The following PTBP3 variants were observed in gnomAD, a reference collection of about 807,000 sequenced individuals.
The protein encoded by PTBP3 is polypyrimidine tract-binding protein 3.
A neutral mutation model predicts 58.7 loss-of-function variants in PTBP3; 20 were observed. The observed-to-expected ratio is 0.34, with a 90% CI of 0.24 to 0.50. PTBP3 has a LOEUF of 0.50. Ranked by LOEUF, PTBP3 falls within the 20% of genes least tolerant of loss-of-function variation. PTBP3 has a pLI of 0.98. For synonymous variants in PTBP3, 185 were observed against 219.8 expected, an observed-to-expected ratio of 0.84 and a Z score of 1.40; for missense variants, 509 against 637.2, an observed-to-expected ratio of 0.80 and a Z score of 2.17.
In PTBP3 at chr9:112,223,792, A is replaced by G; in HGVS notation, c.*59T>C. ...AATTGGTCTTGAGCTGCTTCAGTCT[A>G]TGTCTGAAGGTTTTACTGAAATTAT... On this transcript the variant is annotated 3_prime_UTR_variant, in exon 14 of 14. Transcript: ENST00000374257. 1 of 1,610,616 alleles carries G rather than the reference A, an allele frequency of 6.2e-7. No homozygotes were observed. Among genetic ancestry groups the G allele is most frequent in the Non-Finnish European group, 8.5e-7 (1 of 1,178,226 alleles).
chr9:112,360,564 G>A, the PTBP3 span, among the ~76,000 whole-genome samples: 1 of 152,090 alleles, frequency 6.6e-6, no homozygotes, highest in Non-Finnish European at 1.5e-5. Flanking sequence ...TAAGAGATGT[G>A]GGACTCTCTC....
At chr9:112,323,023 A>C (rs1830016209) in intron 1 of PTBP3, among the ~76,000 whole-genome samples, 1 of 152,226 alleles carries the variant, frequency 6.6e-6, no homozygotes, top group South Asian at 2.1e-4. Context: ...TGAAGCAGGA[A>C]GATCACTTGA....
At position 112,277,931 on chromosome 9, in the gene PTBP3, C is replaced by CATAACATAAT. The variant is rs1554796976; in HGVS notation, c.35-1919_35-1918insATTATGTTAT. Among the ~76,000 whole-genome samples the CATAACATAAT allele has an allele frequency of 2.7e-4, 23 of 83,648 alleles. No individual in the cohort carries two copies. The East Asian group carries it at 9.0e-3, about 33-fold the overall frequency. The allele number at this position is 83,648 out of a possible 152,430, so 54.9% of individuals were successfully genotyped here. ...CATAACATAACATAACATAACATAA[C>CATAACATAAT]ATAACATAACATAATATAACATAAC... On this transcript the variant is annotated intron_variant, in intron 2 of 13. Transcript: ENST00000374257.
intron 7 of PTBP3, among the ~76,000 whole-genome samples, chr9:112,236,539 C>T (rs985028049): frequency 1.3e-5 from 2 of 152,130 alleles, no homozygotes; most frequent in Non-Finnish European, 2.9e-5. Context: ...AACATCTACA[C>T]TAGAAAGGCT....
At chr9:112,333,001 C>T (rs1830440075) in intron 1 of PTBP3, 1 of 1,284,388 alleles carries the variant, frequency 7.8e-7, no homozygotes, top group Non-Finnish European at 9.9e-7. Context: ...ACGCGTGCAC[C>T]CGCCGTCGGC....
intron 5 of PTBP3, among the ~76,000 whole-genome samples, chr9:112,258,366 A>G (rs1398181668): frequency 6.6e-6 from 1 of 152,176 alleles, no homozygotes; most frequent in Admixed American, 6.5e-5. Flanking sequence ...CATCCAGTCC[A>G]ATGGCTTTAA....
At chr9:112,371,810 T>C in the PTBP3 span, among the ~76,000 whole-genome samples, 1 of 152,110 alleles carries the variant, frequency 6.6e-6, no homozygotes, top group African/African-American at 2.4e-5. Flanking sequence ...CATGGCCCAC[T>C]GCAGCCTCAA....
At chr9:112,279,043 A>G (rs1441650433) in intron 2 of PTBP3, among the ~76,000 whole-genome samples, 1 of 152,184 alleles carries the variant, frequency 6.6e-6, no homozygotes, top group East Asian at 1.9e-4. Context: ...TATTATTACT[A>G]TATGAAATCT....
At chr9:112,228,825 A>ACACC (rs1203560631) in intron 10 of PTBP3, among the ~76,000 whole-genome samples, 2 of 152,028 alleles carry the variant, frequency 1.3e-5, no homozygotes, top group African/African-American at 4.8e-5. Context: ...TCAAACCCTG[A>ACACC]CACCCACCCA....
At chr9:112,293,364 C>T (rs1314771537) in intron 2 of PTBP3, among the ~76,000 whole-genome samples, 3 of 151,960 alleles carry the variant, frequency 2.0e-5, no homozygotes, top group Non-Finnish European at 4.4e-5. Context: ...AATTAGAGTA[C>T]AAAAAGAAAG....
chr9:112,217,766 G>A (rs756514248), downstream of PTBP3: 26 of 152,252 alleles, frequency 1.7e-4, no homozygotes, highest in Non-Finnish European at 3.2e-4. Flanking sequence ...AGATTTTACA[G>A]GTAAGCCAGC....
At chr9:112,320,291 A>AAAAAAAAAATATATATATAT (rs1411646280) in intron 1 of PTBP3, among the ~76,000 whole-genome samples, 2 of 73,566 alleles carry the variant, frequency 2.7e-5, no homozygotes, top group African/African-American at 1.8e-4. Flanking sequence ...AAAAAAAAAA[A>AAAAAAAAAATATATATATAT]ATATATATAT....
intron 1 of PTBP3, among the ~76,000 whole-genome samples, chr9:112,312,502 A>ATTTTT (rs1417898521): frequency 1.3e-4 from 12 of 92,194 alleles, no homozygotes; most frequent in African/African-American, 2.0e-4. Context: ...TTTTTTTTTA[A>ATTTTT]AAAAAAAAAA....
chr9:112,222,594 TC>T lies in PTBP3; in HGVS notation c.*1256del, dbSNP rs1564382632. Reference sequence around the variant, plus strand: ...AATTATTCCCAAAACCATTCACCCTTCCCCACACCGTCTCTGCACCAAGCAC... The same window carrying T: ...AATTATTCCCAAAACCATTCACCCTTCCCACACCGTCTCTGCACCAAGCAC... On this transcript the variant is annotated 3_prime_UTR_variant, in exon 14 of 14. Coordinates refer to ENST00000374257, the MANE Select transcript of PTBP3 (RefSeq NM_001163788.4). 1 of 985,566 alleles carries T rather than the reference TC, an allele frequency of 1.0e-6. No individual in the cohort carries two copies. The highest frequency in any genetic ancestry group is 6.2e-5 in the Admixed American group (1 of 16,228). 61.1% of individuals were successfully genotyped at this position (985,566 alleles called of 1,614,324 possible).
chr9:112,248,167 T>TAAGACACA (rs1835961152), intron 7 of PTBP3, among the ~76,000 whole-genome samples: 2 of 151,948 alleles, frequency 1.3e-5, no homozygotes, highest in Admixed American at 1.3e-4. Flanking sequence ...ATTTCTTAAA[T>TAAGACACA]AAGACACACA....
chr9:112,229,723 G>A (rs1348967062), intron 10 of PTBP3, among the ~76,000 whole-genome samples: 5 of 152,104 alleles, frequency 3.3e-5, no homozygotes, highest in Non-Finnish European at 7.4e-5. Context: ...TATACCATTT[G>A]TTTTGCAAAA....
At chr9:112,254,093 C>T (rs190492136) in intron 5 of PTBP3, among the ~76,000 whole-genome samples, 11 of 152,232 alleles carry the variant, frequency 7.2e-5, no homozygotes, top group Non-Finnish European at 1.0e-4. Flanking sequence ...CAGGCTCATG[C>T]GATCCTCCCA....
At chr9:112,268,719 A>G (rs1379605684) in intron 3 of PTBP3, among the ~76,000 whole-genome samples, 1 of 151,768 alleles carries the variant, frequency 6.6e-6, no homozygotes, top group African/African-American at 2.4e-5. Context: ...TCTCAAAAAA[A>G]AAAAAAAAAA....
intron 8 of PTBP3, among the ~76,000 whole-genome samples, chr9:112,233,277 GTGT>G (rs1564393119): frequency 2.1e-4 from 3 of 14,490 alleles, no homozygotes; most frequent in African/African-American, 1.5e-3. Flanking sequence ...TGTAGGGTGT[GTGT>G]GTGTGTGTGT....
Sources: allele counts gnomAD v4.1 joint callset (sites outside exome capture counted in the v4.1 genomes callset), GRCh38; gene constraint gnomAD v4.1.1; transcripts MANE v1.5; gene names NCBI Gene and HGNC (gene_info 2026-07-23, HGNC 2026-07-21).